LYPD6B: variants seen among roughly 807,000 people sequenced by gnomAD.
LYPD6B encodes the protein ly6/PLAUR domain-containing protein 6B.
LYPD6B carries 17 observed loss-of-function variants against 22.8 expected under a neutral mutation model. The ratio of observed to expected loss-of-function variants is 0.75; its 90% CI spans 0.51 to 1.12. The LOEUF (loss-of-function observed/expected upper bound fraction) is 1.12. Among genes scored for constraint, LYPD6B ranks in the 50% most tolerant of loss-of-function variants. The probability of loss-of-function intolerance (pLI) is 0.00; values close to 1 mark genes in which losing one functional copy is unlikely to be tolerated. For missense variants in LYPD6B, 221 were observed against 258.3 expected, an observed-to-expected ratio of 0.86 and a Z score of 0.99; for synonymous variants, 106 against 91.6, an observed-to-expected ratio of 1.16 and a Z score of -0.90.
chr2:149,086,993 T>C (rs1013310635), intron 1 of LYPD6B, among the ~76,000 whole-genome samples: 27 of 145,420 alleles, frequency 1.9e-4, no homozygotes, highest in African/African-American at 6.2e-4. Context: ...CTCCTCTTAA[T>C]GAAGTAAGAA....
chr2:149,063,884 A>C (rs1302655516), intron 1 of LYPD6B, among the ~76,000 whole-genome samples: 1 of 152,240 alleles, frequency 6.6e-6, no homozygotes, highest in African/African-American at 2.4e-5. Flanking sequence ...TTTAATTTAA[A>C]ACTTCTATAT....
At chr2:149,153,068 A>T (rs758955710) in intron 2 of LYPD6B, among the ~76,000 whole-genome samples, 4 of 152,210 alleles carry the variant, frequency 2.6e-5, no homozygotes, top group Admixed American at 6.5e-5. Context: ...GTTAAATTTT[A>T]AAAGGAGGAA....
intron 3 of LYPD6B, among the ~76,000 whole-genome samples, chr2:149,186,413 T>G (rs1692106347): frequency 6.6e-6 from 1 of 151,782 alleles, no homozygotes; most frequent in Admixed American, 6.6e-5. Flanking sequence ...CTGAGAGAGG[T>G]GAGGAAGCTG....
At chr2:149,166,778 GA>G (rs1193451943) in intron 3 of LYPD6B, among the ~76,000 whole-genome samples, 1 of 152,072 alleles carries the variant, frequency 6.6e-6, no homozygotes, top group Non-Finnish European at 1.5e-5. Context: ...ACTCCAGCTA[GA>G]ATCTGAGCTG....
intron 2 of LYPD6B, among the ~76,000 whole-genome samples, chr2:149,145,882 T>C (rs1575060190): frequency 6.6e-6 from 1 of 152,020 alleles, no homozygotes; most frequent in South Asian, 2.1e-4. Context: ...TTCCTCCTAG[T>C]AGGGGAGGCA....
At chr2:149,054,747 C>T (rs1357122980) in intron 1 of LYPD6B, among the ~76,000 whole-genome samples, 5 of 152,000 alleles carry the variant, frequency 3.3e-5, no homozygotes, top group East Asian at 3.9e-4. Flanking sequence ...GGCATCGTGG[C>T]GTGCACCTGC....
At chr2:149,072,660 C>G (rs1684679157) in intron 1 of LYPD6B, among the ~76,000 whole-genome samples, 1 of 151,952 alleles carries the variant, frequency 6.6e-6, no homozygotes, top group Admixed American at 6.6e-5. Flanking sequence ...CCTCAGCCTC[C>G]CCGGTAGCTG....
At chr2:149,210,332 G>A (rs1053896704) in intron 5 of LYPD6B, among the ~76,000 whole-genome samples, 3 of 152,104 alleles carry the variant, frequency 2.0e-5, no homozygotes, top group Admixed American at 6.6e-5. Flanking sequence ...GGGTGGAAGA[G>A]AGTCTGCTCT....
chr2:149,109,400 C>T (rs1245308714), intron 1 of LYPD6B, among the ~76,000 whole-genome samples: 1 of 151,958 alleles, frequency 6.6e-6, no homozygotes, highest in Non-Finnish European at 1.5e-5. Context: ...GATCTTTGTT[C>T]CTCTGTGCAC....
intron 3 of LYPD6B, among the ~76,000 whole-genome samples, chr2:149,189,365 T>TAC: frequency 1.1e-5 from 1 of 93,216 alleles, no homozygotes; most frequent in African/African-American, 3.6e-5. Flanking sequence ...TATATATATA[T>TAC]ATACACACAC....
rs376196722 is a variant in LYPD6B at position 149,173,960 on chromosome 2, T to C, written c.77+13125T>C. Among the ~76,000 whole-genome samples the C allele has an allele frequency of 7.9e-5, 12 of 152,346 alleles. 1 individual carries two copies. In the East Asian group the frequency reaches 1.5e-3, roughly 20 times the overall value. ...CAATGATAGTTTAATGGGAATAGTA[T>C]TGAATCTATAAATTGCTTTGGGCAG... On this transcript the variant is annotated intron_variant, in intron 3 of 6. Coordinates refer to ENST00000409642, the MANE Select transcript of LYPD6B (RefSeq NM_177964.5).
intron 1 of LYPD6B, chr2:149,101,482 G>A (rs1012002922): frequency 2.0e-5 from 3 of 152,262 alleles, no homozygotes; most frequent in African/African-American, 7.2e-5. Context: ...GTAATGCTTG[G>A]CAAACCATCA....
intron 2 of LYPD6B, among the ~76,000 whole-genome samples, chr2:149,143,452 G>A (rs1197046136): frequency 6.3e-5 from 9 of 142,630 alleles, no homozygotes; most frequent in African/African-American, 2.1e-4. Context: ...ACTACGCCAT[G>A]TTTTTACTAT....
Position 149,120,379 on chromosome 2 carries a change from A to ATT in LYPD6B, c.-66-10503_-66-10502insTT, listed in dbSNP as rs1371894805. ...TGTGTGTGTATATATATATATATAT[A>ATT]TATATTTTTTTTTTTTTTTTTTTGA... On this transcript the variant is annotated intron_variant, in intron 1 of 6. Coordinates refer to ENST00000409642, the MANE Select transcript of LYPD6B (RefSeq NM_177964.5). Among the ~76,000 whole-genome samples, 66 of 43,684 alleles carry ATT rather than the reference A, an allele frequency of 1.5e-3. 2 individuals are homozygous for ATT. The highest frequency in any genetic ancestry group is 0.012 in the Middle Eastern group (1 of 82). 28.7% of individuals were successfully genotyped at this position (43,684 alleles called of 152,430 possible).
intron 3 of LYPD6B, among the ~76,000 whole-genome samples, chr2:149,174,790 G>C (rs572743606): frequency 3.7e-4 from 56 of 151,776 alleles, no homozygotes; most frequent in East Asian, 2.1e-3. Flanking sequence ...TCAGAGGTTG[G>C]GGGGGTGGGA....
At chr2:149,072,303 A>G (rs967817915) in intron 1 of LYPD6B, among the ~76,000 whole-genome samples, 1 of 151,974 alleles carries the variant, frequency 6.6e-6, no homozygotes, top group African/African-American at 2.4e-5. Flanking sequence ...TATGAAGGAT[A>G]ACACAGGAAT....
chr2:149,207,029 A>G (rs1291845556), intron 4 of LYPD6B, among the ~76,000 whole-genome samples: 3 of 152,188 alleles, frequency 2.0e-5, no homozygotes, highest in Non-Finnish European at 4.4e-5. Context: ...ACCTTAGAAT[A>G]GATTTCCTGG....
intron 1 of LYPD6B, among the ~76,000 whole-genome samples, chr2:149,120,788 T>A (rs1687300300): frequency 1.2e-5 from 1 of 81,670 alleles, no homozygotes; most frequent in Admixed American, 1.6e-4. Flanking sequence ...CAAAGTCTTT[T>A]TTTTTTTTTT....
intron 1 of LYPD6B, among the ~76,000 whole-genome samples, chr2:149,041,305 ACTAGAG>A (rs1683076809): frequency 6.6e-6 from 1 of 152,238 alleles, no homozygotes; most frequent in Admixed American, 6.5e-5. Flanking sequence ...TTCCAGGGTG[ACTAGAG>A]CTCCATCATG....
Sources: allele counts gnomAD v4.1 joint callset (sites outside exome capture counted in the v4.1 genomes callset), GRCh38; gene constraint gnomAD v4.1.1; transcripts MANE v1.5; gene names NCBI Gene and HGNC (gene_info 2026-07-23, HGNC 2026-07-21).